The following WDFY2 variants were observed in gnomAD, a reference collection of about 807,000 sequenced individuals.
The protein encoded by WDFY2 is WD repeat and FYVE domain containing 2.
A neutral mutation model predicts 56.4 loss-of-function variants in WDFY2; 36 were observed. That is an observed-to-expected ratio of 0.64 (90% CI 0.49 to 0.84). The LOEUF (loss-of-function observed/expected upper bound fraction) is 0.84, where lower values mean the gene tolerates loss of function less well. Ranked by LOEUF, WDFY2 falls within the 40% of genes least tolerant of loss-of-function variation. The pLI, the probability that WDFY2 is intolerant of heterozygous loss-of-function variation, is 0.00. For missense variants in WDFY2, 444 were observed against 512.2 expected (o/e 0.87, Z 1.29); for synonymous variants, 176 against 183.7 (o/e 0.96, Z 0.34).
chr13:51,624,529 T>C (rs1175964406), intron 1 of WDFY2, among the ~76,000 whole-genome samples: 1 of 152,212 alleles, frequency 6.6e-6, no homozygotes, highest in East Asian at 1.9e-4. Context: ...TGGGCTAATA[T>C]TAGTAAACAA....
intron 7 of WDFY2, among the ~76,000 whole-genome samples, chr13:51,739,938 T>G (rs1335950423): frequency 2.0e-5 from 3 of 152,250 alleles, no homozygotes; most frequent in Non-Finnish European, 2.9e-5. Context: ...ATGTTAGATC[T>G]GCTTTACAAC....
chr13:51,744,163 C>T (rs1352177179), intron 7 of WDFY2, among the ~76,000 whole-genome samples: 3 of 152,276 alleles, frequency 2.0e-5, no homozygotes, highest in East Asian at 1.9e-4. Context: ...GTCCTTGGAG[C>T]TTGGAAGATT....
At chr13:51,605,350 A>AGGT (rs968884016) in intron 1 of WDFY2, among the ~76,000 whole-genome samples, 5 of 152,338 alleles carry the variant, frequency 3.3e-5, no homozygotes, top group African/African-American at 1.2e-4. Context: ...TTGTTTTCTT[A>AGGT]GGTACAAAAT....
At chr13:51,650,010 G>A (rs1045062618) in intron 1 of WDFY2, among the ~76,000 whole-genome samples, 1 of 152,028 alleles carries the variant, frequency 6.6e-6, no homozygotes, top group Non-Finnish European at 1.5e-5. Flanking sequence ...ACCTTGGGCA[G>A]TGTGGCCATT....
At chr13:51,601,291 A>G (rs1009160306) in intron 1 of WDFY2, among the ~76,000 whole-genome samples, 5 of 152,192 alleles carry the variant, frequency 3.3e-5, no homozygotes, top group African/African-American at 1.2e-4. Context: ...AGCCTCAAGT[A>G]TATTAATAGT....
At position 51,621,484 on chromosome 13, in the gene WDFY2, G is replaced by A. The variant is rs550404565; in HGVS notation, c.137+36660G>A. On this transcript the variant is annotated intron_variant, in intron 1 of 11. Transcript: ENST00000298125. ...CGCGCCACTGCACTGCAGCTTGGGC[G>A]ACAAGAGTGAAACTTCGTCTCAAAA... Among the ~76,000 whole-genome samples, 188 of 152,210 alleles carry A rather than the reference G, an allele frequency of 1.2e-3. 1 individual carries two copies. Among genetic ancestry groups the A allele is most frequent in the Middle Eastern group, 3.4e-3 (1 of 294 alleles).
In WDFY2 at chr13:51,760,970, G is replaced by A. The variant is rs975404092; in HGVS notation, c.*1201G>A. ...CCCACCATACATGCTCTGAAAATAA[G>A]TGTCTTTAAGTTGTGTTTTTCTGTG... On this transcript the variant is annotated 3_prime_UTR_variant, in exon 12 of 12. Coordinates refer to ENST00000298125, the MANE Select transcript of WDFY2 (RefSeq NM_052950.4). 1.3e-5 allele frequency: 2 copies of A among 152,234 alleles called. No individual in the cohort carries two copies. Among genetic ancestry groups the A allele is most frequent in the Non-Finnish European group, 2.9e-5 (2 of 68,058 alleles). The allele number at this position is 152,234 out of a possible 1,614,324, so 9.4% of individuals were successfully genotyped here. A position where few individuals can be genotyped will look rare whatever the true frequency, so the allele number is the denominator to read the frequency against.
chr13:51,708,537 A>G lies in WDFY2; in HGVS notation c.334+4887A>G, dbSNP rs1952138647. ...ATCAAAAAATGACAGCTAATAGGCAAACCAAGGAGATAAAGTAGAATCATA... is the reference window on the plus strand; with the variant it reads ...ATCAAAAAATGACAGCTAATAGGCAGACCAAGGAGATAAAGTAGAATCATA... On this transcript the variant is annotated intron_variant, in intron 4 of 11. Coordinates refer to ENST00000298125, the MANE Select transcript of WDFY2 (RefSeq NM_052950.4). 1.3e-5 allele frequency among the ~76,000 whole-genome samples: 2 copies of G among 152,040 alleles called. 1 individual carries two copies. Among genetic ancestry groups the G allele is most frequent in the South Asian group, 4.1e-4 (2 of 4,834 alleles).
chr13:51,624,958 G>A (rs1371595337), intron 1 of WDFY2, among the ~76,000 whole-genome samples: 1 of 152,226 alleles, frequency 6.6e-6, no homozygotes, highest in East Asian at 1.9e-4. Context: ...AGTGTTGTAG[G>A]CCACGGTGAA....
chr13:51,745,616 G>T (rs1348387093), intron 7 of WDFY2, among the ~76,000 whole-genome samples: 2 of 151,932 alleles, frequency 1.3e-5, no homozygotes, highest in Non-Finnish European at 2.9e-5. Context: ...AACACCTGAA[G>T]TTCCGCTGAA....
In WDFY2 at chr13:51,759,738, A is replaced by C; in HGVS notation, c.1174-2A>C. ...TTCTGTATCTTCTTTTTCTTTTTGC[A>C]GTTGTGGGATATGACCCCAGTCGTG... On this transcript the variant is annotated splice_acceptor_variant, in intron 11 of 11. Transcript: ENST00000298125. LOFTEE classifies it high-confidence loss of function. The C allele has an allele frequency of 6.2e-7, 1 of 1,613,758 alleles. No individual in the cohort carries two copies. Among genetic ancestry groups the C allele is most frequent in the Non-Finnish European group, 8.5e-7 (1 of 1,179,834 alleles).
chr13:51,637,776 T>A (rs1215144558), intron 1 of WDFY2, among the ~76,000 whole-genome samples: 1 of 152,226 alleles, frequency 6.6e-6, no homozygotes, highest in African/African-American at 2.4e-5. Flanking sequence ...GGAGATGTGC[T>A]CTGCTACAAG....
chr13:51,636,377 C>T (rs1202011702), intron 1 of WDFY2, among the ~76,000 whole-genome samples: 1 of 152,126 alleles, frequency 6.6e-6, no homozygotes, highest in Non-Finnish European at 1.5e-5. Flanking sequence ...TATGATCAGC[C>T]CTCAGTTAAC....
At chr13:51,709,404 A>G (rs566012536) in intron 4 of WDFY2, among the ~76,000 whole-genome samples, 8 of 152,332 alleles carry the variant, frequency 5.3e-5, no homozygotes, top group East Asian at 3.9e-4. Flanking sequence ...TGTTAACCCA[A>G]TGCTTCCGGA....
chr13:51,697,449 G>A (rs537016550), intron 3 of WDFY2, among the ~76,000 whole-genome samples: 8 of 152,080 alleles, frequency 5.3e-5, no homozygotes, highest in African/African-American at 1.4e-4. Flanking sequence ...CCTGGGTAAC[G>A]TGGTAAAACG....
rs527683218 is a variant in WDFY2 at position 51,764,075 on chromosome 13, G to A, written c.*4306G>A. 2.0e-4 allele frequency: 30 copies of A among 152,296 alleles called. No individual in the cohort carries two copies. The highest frequency in any genetic ancestry group is 6.7e-4 in the African/African-American group (28 of 41,552). The allele number at this position is 152,296 out of a possible 1,614,324, so 9.4% of individuals were successfully genotyped here. A position where few individuals can be genotyped will look rare whatever the true frequency, so the allele number is the denominator to read the frequency against. ...AATATTGAATTTTTCCTGGTACGAA[G>A]ACAGATATTTATTAACTTGATTGGA... On this transcript the variant is annotated 3_prime_UTR_variant, in exon 12 of 12. Transcript: ENST00000298125.
intron 1 of WDFY2, among the ~76,000 whole-genome samples, chr13:51,635,300 A>G (rs914089013): frequency 6.1e-4 from 93 of 152,182 alleles, no homozygotes; most frequent in Non-Finnish European, 1.2e-3. Flanking sequence ...TGACGTGATC[A>G]TCATTTTTCA....
intron 1 of WDFY2, among the ~76,000 whole-genome samples, chr13:51,600,545 T>TTA (rs1954254563): frequency 6.6e-6 from 1 of 152,214 alleles, no homozygotes; most frequent in African/African-American, 2.4e-5. Flanking sequence ...ACAGTCTAGA[T>TTA]AAGCAGGGAG....
At chr13:51,666,397 C>G (rs1365426879) in intron 2 of WDFY2, among the ~76,000 whole-genome samples, 1 of 152,216 alleles carries the variant, frequency 6.6e-6, no homozygotes, top group Non-Finnish European at 1.5e-5. Flanking sequence ...GGGCCAGGAA[C>G]TCTTTGCTCT....
Sources: gnomAD v4.1 joint callset for allele counts (sites outside exome capture counted in the v4.1 genomes callset) on GRCh38, gnomAD v4.1.1 for gene constraint, MANE v1.5 for transcripts, NCBI Gene and HGNC (gene_info 2026-07-23, HGNC 2026-07-21) for gene names.